UBA6: variants seen among roughly 807,000 people sequenced by gnomAD.
The protein encoded by UBA6 is ubiquitin-like modifier-activating enzyme 6.
A neutral mutation model predicts 148.3 loss-of-function variants in UBA6; 87 were observed. The ratio of observed to expected loss-of-function variants is 0.59; its 90% CI spans 0.49 to 0.70. The LOEUF is 0.70. Ranked by LOEUF, UBA6 falls within the 30% of genes least tolerant of loss-of-function variation. UBA6 has a pLI of 0.00. For missense variants in UBA6, 1,186 were observed against 1,241.2 expected (o/e 0.96, Z 0.67); for synonymous variants, 376 against 401.0 (o/e 0.94, Z 0.75).
intron 19 of UBA6, among the ~76,000 whole-genome samples, chr4:67,636,639 C>G (rs2109907550): frequency 6.6e-6 from 1 of 152,380 alleles, no homozygotes; most frequent in African/African-American, 2.4e-5. Flanking sequence ...AGTGATCTGC[C>G]AGCCTCGGCC....
At chr4:67,669,000 A>C (rs1730075562) in intron 8 of UBA6, among the ~76,000 whole-genome samples, 1 of 152,218 alleles carries the variant, frequency 6.6e-6, no homozygotes, top group Non-Finnish European at 1.5e-5. Flanking sequence ...TAATAGTTTT[A>C]AATGTGAGAA....
intron 27 of UBA6, among the ~76,000 whole-genome samples, chr4:67,627,386 A>C (rs1455824425): frequency 6.6e-6 from 1 of 151,958 alleles, no homozygotes. Context: ...GGAGTTGTGA[A>C]AAAGCCCACA....
Position 67,668,484 on chromosome 4 carries a change from C to A in UBA6, c.793+67G>T, listed in dbSNP as rs914903661. On this transcript the variant is annotated intron_variant, in intron 9 of 32. Coordinates refer to ENST00000322244, the MANE Select transcript of UBA6 (RefSeq NM_018227.6). ...CTCTGAGTTGACATTCTGTTCCCAA[C>A]ACTTAGTGTCTGAACTATAAATTTG... The A allele has an allele frequency of 1.8e-5, 26 of 1,453,194 alleles. No individual in the cohort carries two copies. In the East Asian group the frequency reaches 5.0e-4, roughly 28 times the overall value. 90.0% of individuals were successfully genotyped at this position (1,453,194 alleles called of 1,614,324 possible).
chr4:67,646,449 A>G (rs1729423306), intron 15 of UBA6, among the ~76,000 whole-genome samples: 1 of 152,204 alleles, frequency 6.6e-6, no homozygotes, highest in South Asian at 2.1e-4. Context: ...ATATAAATAA[A>G]GACTGCAGAT....
intron 6 of UBA6, among the ~76,000 whole-genome samples, chr4:67,675,852 T>C (rs1730266620): frequency 6.6e-6 from 1 of 152,152 alleles, no homozygotes; most frequent in Admixed American, 6.5e-5. Context: ...CTCTTGGTCA[T>C]ATTGAGCTGC....
rs73829178 is a variant in UBA6, at chr4:67,670,799, G to C, written c.547-207C>G. ...AGTACTTTTAGTAAATGGATGTCCA[G>C]TATAACAAAATTAGAATATCAGCAT... On this transcript the variant is annotated intron_variant, in intron 7 of 32. Transcript: ENST00000322244. Among the ~76,000 whole-genome samples the C allele has an allele frequency of 8.3e-3, 1,257 of 152,004 alleles. 10 individuals are homozygous for C. The highest frequency in any genetic ancestry group is 0.029 in the African/African-American group (1,207 of 41,454).
At chr4:67,629,258 A>G in intron 26 of UBA6, 116 bp from the exon 27 acceptor site, 1 of 669,636 alleles carries the variant, frequency 1.5e-6, no homozygotes, top group South Asian at 1.7e-5. Context: ...CATTATCTGA[A>G]TATGTAGACA....
At chr4:67,664,066 A>G in intron 10 of UBA6, 119 bp from the exon 11 acceptor site, 1 of 677,982 alleles carries the variant, frequency 1.5e-6, no homozygotes. Flanking sequence ...GAAATAAAGT[A>G]GGGTTGGGCT....
rs747539710 is a variant in UBA6, at chr4:67,618,253, G to A, written c.*744C>T. ...AGAAGGCATACTGAAGAATCAAATG[G>A]TTAGCCACATTTGTCTGTTCACATT... is the stretch of plus-strand genomic sequence containing the variant. On this transcript the variant is annotated 3_prime_UTR_variant, in exon 33 of 33. Transcript: ENST00000322244. 1 of 152,462 alleles carries A rather than the reference G, an allele frequency of 6.6e-6. No homozygotes were observed. Among genetic ancestry groups the A allele is most frequent in the Non-Finnish European group, 1.5e-5 (1 of 67,960 alleles). 9.4% of individuals were successfully genotyped at this position (152,462 alleles called of 1,614,324 possible).
At chr4:67,682,953 ATT>A (rs1730477448) in intron 2 of UBA6, among the ~76,000 whole-genome samples, 1 of 152,202 alleles carries the variant, frequency 6.6e-6, no homozygotes, top group Non-Finnish European at 1.5e-5. Flanking sequence ...TTTAATGCAC[ATT>A]TGTTTTAAAA....
At chr4:67,652,702 G>A (rs1054243910) in intron 13 of UBA6, among the ~76,000 whole-genome samples, 5 of 152,314 alleles carry the variant, frequency 3.3e-5, no homozygotes, top group Non-Finnish European at 7.3e-5. Context: ...CATGGAGGGC[G>A]AGCCGAAGCA....
intron 2 of UBA6, among the ~76,000 whole-genome samples, chr4:67,693,728 G>A (rs144752277): frequency 1.2e-3 from 178 of 152,222 alleles, no homozygotes; most frequent in African/African-American, 3.1e-3. Context: ...GAAAGAGAAC[G>A]GAGAGAAAAG....
intron 11 of UBA6, chr4:67,663,620 C>T (rs112827557): frequency 1.8e-5 from 8 of 450,006 alleles, no homozygotes; most frequent in East Asian, 7.1e-5. Context: ...TTATTGAAAT[C>T]GTCTTATAAT....
chr4:67,625,220 C>T (rs1463283902), intron 28 of UBA6, 33 bp from the exon 29 acceptor site: 1 of 1,525,310 alleles, frequency 6.6e-7, no homozygotes, highest in African/African-American at 1.4e-5. Flanking sequence ...CAAAGTTCCA[C>T]AGCAAGCAGT....
rs767018762 is a variant in UBA6, at chr4:67,649,226, A to G, written c.1105-15T>C. ...TTTACATCAGGCTAAAACAAAAGCC[A>G]TAAAAGACAATAACATTAACAGCAT... On this transcript the variant is annotated splice_polypyrimidine_tract_variant and intron_variant, in intron 13 of 32. Transcript: ENST00000322244. 6 of 1,596,606 alleles carry G rather than the reference A, an allele frequency of 3.8e-6. No homozygotes were observed. The South Asian group carries it at 5.7e-5, about 15-fold the overall frequency.
chr4:67,697,663 G>A (rs12649876), intron 1 of UBA6, among the ~76,000 whole-genome samples: 58,496 of 151,924 alleles, frequency 0.39, 11,402 homozygotes, highest in Middle Eastern at 0.51. Flanking sequence ...TCATTCCCCA[G>A]TTTTCTCCAT....
At chr4:67,683,558 G>A (rs1394682523) in intron 2 of UBA6, among the ~76,000 whole-genome samples, 1 of 148,214 alleles carries the variant, frequency 6.7e-6, no homozygotes, top group Non-Finnish European at 1.5e-5. Flanking sequence ...AAAACATTAT[G>A]AGATTTTTTT....
Position 67,649,153 on chromosome 4 carries a change from G to C in UBA6, c.1163C>G (p.Ser388Cys). 1 of 1,614,004 alleles carries C rather than the reference G, an allele frequency of 6.2e-7. No individual in the cohort carries two copies. The highest frequency in any genetic ancestry group is 8.5e-7 in the Non-Finnish European group (1 of 1,179,956). Residue 388 changes from serine to cysteine, a missense_variant, in exon 14 of 33, where the codon TCT becomes TGT. Ser to Cys is a moderately radical substitution (Grantham distance 112). Transcript: ENST00000322244. ...WLSWTAQGFL[S>C]PLAAAVGGVA... ...ACCTCCTACTGCTGCAGCAAGTGGA[G>C]ATAAAAAGCCTTGGGCAGTCCAAGA...
intron 6 of UBA6, 49 bp downstream of exon 6, chr4:67,677,562 T>C: frequency 2.1e-6 from 2 of 946,850 alleles, no homozygotes; most frequent in Non-Finnish European, 3.3e-6. Context: ...ATTTAACAAT[T>C]TTGCCCTGGA....
Sources: allele counts gnomAD v4.1 joint callset (sites outside exome capture counted in the v4.1 genomes callset), GRCh38; gene constraint gnomAD v4.1.1; transcripts MANE v1.5; gene names NCBI Gene and HGNC (gene_info 2026-07-23, HGNC 2026-07-21).